PRR16: variants seen among roughly 807,000 people sequenced by gnomAD.
The protein encoded by PRR16 is proline rich 16.
PRR16 carries 6 observed loss-of-function variants against 18.2 expected under a neutral mutation model. That is an observed-to-expected ratio of 0.33 (90% CI 0.18 to 0.65). The LOEUF (loss-of-function observed/expected upper bound fraction) is 0.65, where lower values mean the gene tolerates loss of function less well. PRR16 is among the 30% of genes least tolerant of loss of function. The pLI is 0.74. For synonymous variants in PRR16, 151 were observed against 147.8 expected, an observed-to-expected ratio of 1.02 and a Z score of -0.16; for missense variants, 412 against 376.6, an observed-to-expected ratio of 1.09 and a Z score of -0.78.
chr5:120,652,375 A>G (rs1192481594), intron 1 of PRR16, among the ~76,000 whole-genome samples: 1 of 152,096 alleles, frequency 6.6e-6, no homozygotes, highest in African/African-American at 2.4e-5. Flanking sequence ...AGTATGTATT[A>G]CTTTCTTCCA....
At position 120,665,196 on chromosome 5, in the gene PRR16, T is replaced by G. The variant is rs919316826; in HGVS notation, c.160-20758T>G. Among the ~76,000 whole-genome samples the G allele has an allele frequency of 2.2e-3, 304 of 140,712 alleles. 5 individuals are homozygous for G. The highest frequency in any genetic ancestry group is 7.5e-3 in the African/African-American group (290 of 38,620). The allele number at this position is 140,712 out of a possible 152,430, so 92.3% of individuals were successfully genotyped here. A position where few individuals can be genotyped will look rare whatever the true frequency, so the allele number is the denominator to read the frequency against. On this transcript the variant is annotated intron_variant, in intron 1 of 1. Coordinates refer to ENST00000407149, the MANE Select transcript of PRR16 (RefSeq NM_001300783.2). The stretch of plus-strand genomic sequence containing the variant: ...TCATTGTGGTTTTGATTTGCATTTC[T>G]CTGATGGCCAGTGATGATGAGCATT...
intron 1 of PRR16, among the ~76,000 whole-genome samples, chr5:120,545,437 T>C (rs1752045759): frequency 6.6e-6 from 1 of 152,088 alleles, no homozygotes; most frequent in South Asian, 2.1e-4. Context: ...TGAAAACTCA[T>C]GTATGGTGGT....
the PRR16 span, among the ~76,000 whole-genome samples, chr5:120,752,692 C>T: frequency 1.3e-5 from 2 of 151,766 alleles, no homozygotes; most frequent in African/African-American, 4.8e-5. Context: ...ATATCTAGCT[C>T]AGAAGTTTAA....
At chr5:120,479,384 G>A (rs1231749941) in intron 1 of PRR16, among the ~76,000 whole-genome samples, 1 of 152,058 alleles carries the variant, frequency 6.6e-6, no homozygotes, top group South Asian at 2.1e-4. Context: ...TGAAGTCCAG[G>A]TTTTAGTTGT....
At chr5:120,751,812 T>A in the PRR16 span, among the ~76,000 whole-genome samples, 4 of 152,104 alleles carry the variant, frequency 2.6e-5, no homozygotes, top group African/African-American at 9.7e-5. Context: ...GTGGAAGTAC[T>A]TTAGTGTTCT....
the PRR16 span, chr5:120,781,600 T>A: frequency 6.6e-6 from 1 of 152,200 alleles, no homozygotes; most frequent in Admixed American, 6.5e-5. Context: ...CAGGGACACC[T>A]TCCTGCTTCT....
chr5:120,594,503 AC>A (rs1247480199), intron 1 of PRR16, among the ~76,000 whole-genome samples: 1 of 152,200 alleles, frequency 6.6e-6, no homozygotes, highest in East Asian at 1.9e-4. Context: ...GATAGGAAGA[AC>A]AAATATTATT....
chr5:120,618,336 G>A (rs1330878582), intron 1 of PRR16: 2 of 343,974 alleles, frequency 5.8e-6, no homozygotes, highest in Non-Finnish European at 8.2e-6. Context: ...TTGTTGTTGA[G>A]TGCCATTAAA....
the PRR16 span, among the ~76,000 whole-genome samples, chr5:120,728,501 T>C: frequency 6.6e-6 from 1 of 152,120 alleles, no homozygotes; most frequent in Non-Finnish European, 1.5e-5. Context: ...ATGGCAATTA[T>C]ACCTGTCCAG....
At chr5:120,787,142 G>C in the PRR16 span, among the ~76,000 whole-genome samples, 1 of 152,068 alleles carries the variant, frequency 6.6e-6, no homozygotes, top group African/African-American at 2.4e-5. Flanking sequence ...TTTCAATGTG[G>C]AGTAGACTTA....
the PRR16 span, among the ~76,000 whole-genome samples, chr5:120,694,105 G>C: frequency 1.3e-5 from 2 of 152,286 alleles, no homozygotes; most frequent in South Asian, 4.1e-4. Context: ...AAAATACTAA[G>C]AGTAAAACCT....
At chr5:120,583,133 G>A (rs1247182967) in intron 1 of PRR16, among the ~76,000 whole-genome samples, 1 of 152,208 alleles carries the variant, frequency 6.6e-6, no homozygotes, top group African/African-American at 2.4e-5. Flanking sequence ...TAGAGGGTCA[G>A]CCAAGCTAAA....
At chr5:120,757,176 T>C in the PRR16 span, among the ~76,000 whole-genome samples, 4 of 151,994 alleles carry the variant, frequency 2.6e-5, no homozygotes, top group African/African-American at 4.8e-5. Flanking sequence ...CTTGGTCTAT[T>C]TGTCTGCTTT....
At chr5:120,769,728 A>C in the PRR16 span, among the ~76,000 whole-genome samples, 2 of 151,876 alleles carry the variant, frequency 1.3e-5, no homozygotes, top group African/African-American at 4.8e-5. Context: ...TATGCCCAGA[A>C]GCGGAATTGC....
chr5:120,544,692 G>T, intron 1 of PRR16, among the ~76,000 whole-genome samples: 1 of 151,580 alleles, frequency 6.6e-6, no homozygotes, highest in East Asian at 2.0e-4. Context: ...AAAGTCATTC[G>T]TGATTTACCA....
the PRR16 span, among the ~76,000 whole-genome samples, chr5:120,748,323 A>T: frequency 6.6e-6 from 1 of 152,226 alleles, no homozygotes; most frequent in South Asian, 2.1e-4. Flanking sequence ...CTCTTCTAAA[A>T]CATATTTGCT....
intron 1 of PRR16, among the ~76,000 whole-genome samples, chr5:120,668,327 T>A (rs1415924034): frequency 1.3e-5 from 2 of 151,146 alleles, no homozygotes; most frequent in Non-Finnish European, 2.9e-5. Context: ...CTCCATCCTT[T>A]TATTTTGAGC....
chr5:120,677,972 C>T (rs1219108183), intron 1 of PRR16, among the ~76,000 whole-genome samples: 18 of 133,874 alleles, frequency 1.3e-4, no homozygotes, highest in South Asian at 6.9e-4. Flanking sequence ...TGCAGTGGCG[C>T]GATCTCGGCT....
intron 1 of PRR16, among the ~76,000 whole-genome samples, chr5:120,580,413 C>T (rs1014464245): frequency 2.0e-5 from 3 of 151,024 alleles, no homozygotes; most frequent in Non-Finnish European, 4.4e-5. Flanking sequence ...CCATCAATAC[C>T]TAGTTAATTG....
Sources: gnomAD v4.1 joint callset for allele counts (sites outside exome capture counted in the v4.1 genomes callset) on GRCh38, gnomAD v4.1.1 for gene constraint, MANE v1.5 for transcripts, NCBI Gene and HGNC (gene_info 2026-07-23, HGNC 2026-07-21) for gene names.